The following RHPN1 variants were observed in gnomAD, a reference collection of about 807,000 sequenced individuals.
RHPN1 encodes rhophilin Rho GTPase binding protein 1.
A neutral mutation model predicts 74.7 loss-of-function variants in RHPN1; 77 were observed. The ratio of observed to expected loss-of-function variants is 1.03; its 90% CI spans 0.86 to 1.25. RHPN1 has a LOEUF of 1.25. RHPN1 is among the 50% of genes most tolerant of loss of function. The pLI, the probability that RHPN1 is intolerant of heterozygous loss-of-function variation, is 0.00. For missense variants in RHPN1, 987 were observed against 932.2 expected, an observed-to-expected ratio of 1.06 and a Z score of -0.77; for synonymous variants, 444 against 414.5, an observed-to-expected ratio of 1.07 and a Z score of -0.87.
At position 143,378,961 on chromosome 8, in the gene RHPN1, G is replaced by C; in HGVS notation, c.634G>C (p.Glu212Gln). ...VPAQQRALAF[E>Q]KGSVLFNIGA... ...GGCCCAGCAGCGTGCCCTGGCCTTC[G>C]AGAAGGGCAGCGTTCTCTTCAACAT... The change falls in exon 7 of 15, where the codon GAG becomes CAG. Residue 212 changes from glutamate (E) to glutamine (Q), a missense_variant. Coordinates refer to ENST00000289013, the MANE Select transcript of RHPN1 (RefSeq NM_052924.3). 1 of 1,570,200 alleles carries C rather than the reference G, an allele frequency of 6.4e-7. No homozygotes were observed. Among genetic ancestry groups the C allele is most frequent in the Non-Finnish European group, 8.6e-7 (1 of 1,158,460 alleles).
chr8:143,381,097 C>T (rs13275994), intron 11 of RHPN1, among the ~76,000 whole-genome samples, 171 bp from the exon 12 acceptor site: 125,327 of 152,230 alleles, frequency 0.82, 52,839 homozygotes, highest in East Asian at 0.92. Flanking sequence ...CAGAGGGGGC[C>T]GTGTGTTCAG....
rs1818489625 is a variant in RHPN1 at position 143,378,966 on chromosome 8, G to A, written c.639G>A (p.Lys213=). The change falls in exon 7 of 15, where the codon AAG becomes AAA. Residue 213 remains lysine (K), a synonymous_variant. Coordinates refer to ENST00000289013, the MANE Select transcript of RHPN1 (RefSeq NM_052924.3). ...PAQQRALAFE[K]GSVLFNIGAL... Reference sequence around the variant, plus strand: ...AGCAGCGTGCCCTGGCCTTCGAGAAGGGCAGCGTTCTCTTCAACATCGGTG... The same window carrying A: ...AGCAGCGTGCCCTGGCCTTCGAGAAAGGCAGCGTTCTCTTCAACATCGGTG... 2.6e-6 allele frequency: 4 copies of A among 1,567,478 alleles called. No individual in the cohort carries two copies. The highest frequency in any genetic ancestry group is 1.4e-5 in the African/African-American group (1 of 73,614).
Position 143,381,871 on chromosome 8 carries a change from GAC to G in RHPN1, c.1703_1704del (p.His568ArgfsTer27). 1 of 1,612,998 alleles carries G rather than the reference GAC, an allele frequency of 6.2e-7. No homozygotes were observed. Among genetic ancestry groups the G allele is most frequent in the Non-Finnish European group, 8.5e-7 (1 of 1,179,754 alleles). On this transcript the variant is annotated frameshift_variant, in exon 14 of 15. Transcript: ENST00000289013. LOFTEE classifies it high-confidence loss of function. ...AATGGGCAGCCATGCAGGTGGTGGA[GAC>G]ACGCGGAGGTGGTGACGGAGCTGAA...
Position 143,381,248 on chromosome 8 carries a change from C to T in RHPN1, c.1412-20C>T. ...GTCTCCACAGTCTCCCAGCTTAGCT[C>T]TGCTCTTACACCCTCTCAGCTAAGA... On this transcript the variant is annotated intron_variant, in intron 11 of 14. Transcript: ENST00000289013. 6.2e-7 allele frequency: 1 copy of T among 1,606,684 alleles called. No homozygotes were observed. Among genetic ancestry groups the T allele is most frequent in the South Asian group, 1.1e-5 (1 of 90,386 alleles).
At position 143,383,444 on chromosome 8, in the gene RHPN1, G is replaced by A. The variant is rs3814769; in HGVS notation, c.*793G>A. ...CAGCCCTCCCCAGCCTGCTTGGGCC[G>A]CTCCTGCTGGCCTCCACAGGCCGTG... On this transcript the variant is annotated 3_prime_UTR_variant, in exon 15 of 15. Coordinates refer to ENST00000289013, the MANE Select transcript of RHPN1 (RefSeq NM_052924.3). The A allele has an allele frequency of 0.77, 117,443 of 152,238 alleles. 48,589 individuals carry two copies. The highest frequency in any genetic ancestry group is 0.93 in the East Asian group (4,791 of 5,154). 9.4% of individuals were successfully genotyped at this position (152,238 alleles called of 1,614,324 possible).
At chr8:143,369,960 C>G (rs780859719) in intron 1 of RHPN1, among the ~76,000 whole-genome samples, 1 of 152,226 alleles carries the variant, frequency 6.6e-6, no homozygotes, top group East Asian at 1.9e-4. Context: ...TGATGCTGAC[C>G]GTAGCCCTCA....
chr8:143,372,683 C>T (rs1200199048), intron 1 of RHPN1, among the ~76,000 whole-genome samples: 1 of 151,568 alleles, frequency 6.6e-6, no homozygotes, highest in Admixed American at 6.6e-5. Flanking sequence ...CTCCGTCAGG[C>T]TCCCTCACCC....
rs375633631 is a variant in RHPN1, at chr8:143,379,927, C to T, written c.1044C>T (p.Ala348=). Reference sequence around the variant, plus strand: ...GGACTGCCCTGGTGCATGTCAAGGCCGAGTACTTCCGCTCCCTGGCCCACT... The same window carrying T: ...GGACTGCCCTGGTGCATGTCAAGGCTGAGTACTTCCGCTCCCTGGCCCACT... ...VSWTALVHVK[A]EYFRSLAHYH... is the part of the protein sequence containing the mutation. Residue 348 remains alanine, a synonymous_variant, in exon 9 of 15, where the codon GCC becomes GCT. Coordinates refer to ENST00000289013, the MANE Select transcript of RHPN1 (RefSeq NM_052924.3). 6.3e-5 allele frequency: 101 copies of T among 1,593,046 alleles called. 2 individuals are homozygous for T. In the South Asian group the frequency reaches 6.4e-4, roughly 10 times the overall value.
chr8:143,381,717 C>T lies in RHPN1; in HGVS notation c.1634C>T (p.Ala545Val), dbSNP rs778030089. ...IAAVIPGSQA[A>V]AAGLKEGDYI... ...GCCGTCATTCCAGGGAGCCAGGCCG[C>T]GGTAAGGGCCCCGCCGGCCCCCTGA... The change falls in exon 13 of 15, where the codon GCG becomes GTG. Residue 545 changes from alanine (A) to valine (V), a missense_variant and splice_region_variant. Physicochemically the swap from Ala to Val is moderately conservative, Grantham distance 64. Transcript: ENST00000289013. 18 of 1,609,196 alleles carry T rather than the reference C, an allele frequency of 1.1e-5. No homozygotes were observed. The highest frequency in any genetic ancestry group is 1.3e-5 in the African/African-American group (1 of 75,022).
At position 143,379,054 on chromosome 8, in the gene RHPN1, A is replaced by G. The variant is rs1441067502; in HGVS notation, c.727A>G (p.Met243Val). The G allele has an allele frequency of 6.5e-7, 1 of 1,533,746 alleles. No homozygotes were observed. Among genetic ancestry groups the G allele is most frequent in the African/African-American group, 1.4e-5 (1 of 72,542 alleles). Residue 243 changes from methionine to valine, a missense_variant, in exon 7 of 15, where the codon ATG becomes GTG. Coordinates refer to ENST00000289013, the MANE Select transcript of RHPN1 (RefSeq NM_052924.3). The part of the protein sequence containing the change: ...RSCTEGARRA[M>V]EAFQRAAGAF... ...CTGCACCGAGGGTGCCCGCCGCGCT[A>G]TGGAGGCCTTCCAGAGGGCCGCTGG...
At chr8:143,376,756 T>G in intron 3 of RHPN1, 103 bp downstream of exon 3, 1 of 1,366,764 alleles carries the variant, frequency 7.3e-7, no homozygotes, top group Non-Finnish European at 1.0e-6. Context: ...TGTATATGTG[T>G]GCATTGTCTG....
At position 143,368,914 on chromosome 8, in the gene RHPN1, A is replaced by G. The variant is rs1817647132; in HGVS notation, c.-74A>G. ...CGGCCCAGGTGGTGCGGGCGGCCCT[A>G]GCCCGGCTGCGGAGCGCTGCGCGAG... On this transcript the variant is annotated 5_prime_UTR_variant, in exon 1 of 15. Transcript: ENST00000289013. 7.9e-6 allele frequency: 10 copies of G among 1,259,582 alleles called. No homozygotes were observed. The highest frequency in any genetic ancestry group is 3.7e-5 in the Admixed American group (1 of 26,810). 78.0% of individuals were successfully genotyped at this position (1,259,582 alleles called of 1,614,324 possible). A position where few individuals can be genotyped will look rare whatever the true frequency, so the allele number is the denominator to read the frequency against.
Position 143,379,304 on chromosome 8 carries a change from T to TCCCTC in RHPN1, c.752-9_752-5dup. On this transcript the variant is annotated splice_polypyrimidine_tract_variant and intron_variant, in intron 7 of 14. Coordinates refer to ENST00000289013, the MANE Select transcript of RHPN1 (RefSeq NM_052924.3). Reference sequence around the variant, plus strand: ...AGGGCCCTGCCTGTGTGAGCACCCCTCCCTCCGCAGGGGCCTTCAGCCTCC... The same window carrying TCCCTC: ...AGGGCCCTGCCTGTGTGAGCACCCCTCCCTCCCCTCCGCAGGGGCCTTCAGCCTCC... 1 of 1,572,246 alleles carries TCCCTC rather than the reference T, an allele frequency of 6.4e-7. No homozygotes were observed. The highest frequency in any genetic ancestry group is 8.6e-7 in the Non-Finnish European group (1 of 1,156,112).
In RHPN1 at chr8:143,378,334, G is replaced by A; in HGVS notation, c.447G>A (p.Glu149=). The change falls in exon 5 of 15, where the codon GAG becomes GAA. Residue 149 remains glutamate, a synonymous_variant. Coordinates refer to ENST00000289013, the MANE Select transcript of RHPN1 (RefSeq NM_052924.3). ...ACGAGGCAGAAATCAGGGAGCTGGA[G>A]GCCCTGCGGCAGGTGTGTGGTTCCC... ...ASYEAEIREL[E]ALRQAMRTPS... The A allele has an allele frequency of 6.4e-7, 1 of 1,553,710 alleles. No individual in the cohort carries two copies. The highest frequency in any genetic ancestry group is 1.2e-5 in the South Asian group (1 of 84,178).
chr8:143,371,516 T>C (rs1351619037), intron 1 of RHPN1, among the ~76,000 whole-genome samples: 1 of 152,084 alleles, frequency 6.6e-6, no homozygotes, highest in African/African-American at 2.4e-5. Flanking sequence ...CTCTGATGTT[T>C]TGCTGTTCCC....
intron 11 of RHPN1, 68 bp from the exon 12 acceptor site, chr8:143,381,200 G>T: frequency 7.3e-7 from 1 of 1,363,302 alleles, no homozygotes; most frequent in Non-Finnish European, 1.0e-6. Context: ...CATGCCCTGC[G>T]CCCTGGAAAA....
At position 143,378,783 on chromosome 8, in the gene RHPN1, C is replaced by T. The variant is rs1405432972; in HGVS notation, c.547C>T (p.Leu183Phe). The T allele has an allele frequency of 6.4e-7, 1 of 1,568,798 alleles. No individual in the cohort carries two copies. Among genetic ancestry groups the T allele is most frequent in the South Asian group, 1.2e-5 (1 of 85,482 alleles). ...NQLCFLDARF[L>F]TPARSLGLFF... ...GCTGTGCTTCCTGGATGCGCGCTTCCTCACCCCTGCCAGGAGCCTCGGGCT... is the reference window on the plus strand; with the variant it reads ...GCTGTGCTTCCTGGATGCGCGCTTCTTCACCCCTGCCAGGAGCCTCGGGCT... Residue 183 changes from leucine (L) to phenylalanine (F), a missense_variant, in exon 6 of 15, where the codon CTC becomes TTC. By Grantham distance (22) the Leu-to-Phe change is conservative. Transcript: ENST00000289013.
Position 143,379,144 on chromosome 8 carries a change from AG to A in RHPN1, c.751+69del, listed in dbSNP as rs1413799608. 4.0e-5 allele frequency: 57 copies of A among 1,434,234 alleles called. No homozygotes were observed. In the East Asian group the frequency reaches 1.4e-3, roughly 35 times the overall value. The allele number at this position is 1,434,234 out of a possible 1,614,324, so 88.8% of individuals were successfully genotyped here. A position where few individuals can be genotyped will look rare whatever the true frequency, so the allele number is the denominator to read the frequency against. On this transcript the variant is annotated intron_variant, in intron 7 of 14. Coordinates refer to ENST00000289013, the MANE Select transcript of RHPN1 (RefSeq NM_052924.3). ...CAGGGTGTTGCAGAGCCCCTTTTGC[AG>A]GGCAGGAGCTGGGGAGTGGTTAGGA...
intron 11 of RHPN1, 37 bp downstream of exon 11, chr8:143,380,820 T>A: frequency 6.8e-7 from 1 of 1,472,388 alleles, no homozygotes; most frequent in Non-Finnish European, 9.1e-7. Flanking sequence ...GCTGCATCCC[T>A]GGCCAGGGTG....
Sources: allele counts gnomAD v4.1 joint callset (sites outside exome capture counted in the v4.1 genomes callset), GRCh38; gene constraint gnomAD v4.1.1; transcripts MANE v1.5; gene names NCBI Gene and HGNC (gene_info 2026-07-23, HGNC 2026-07-21).